Variants in CHMP7 observed in about 807,000 individuals in gnomAD.
The protein encoded by CHMP7 is CHMP family, member 7.
Under a neutral mutation model 53.7 loss-of-function variants are expected in CHMP7, and 15 were observed. That is an observed-to-expected ratio of 0.28 (90% CI 0.19 to 0.43). The LOEUF is 0.43. CHMP7 is among the 20% of genes least tolerant of loss of function. CHMP7 has a pLI of 1.00. For missense variants in CHMP7, 527 were observed against 569.4 expected, an observed-to-expected ratio of 0.93 and a Z score of 0.76; for synonymous variants, 261 against 228.0, an observed-to-expected ratio of 1.14 and a Z score of -1.30.
chr8:23,256,928 T>C (rs556296076), intron 5 of CHMP7, among the ~76,000 whole-genome samples: 8 of 150,976 alleles, frequency 5.3e-5, no homozygotes, highest in Admixed American at 4.6e-4. Flanking sequence ...GAGTAGCTGG[T>C]ACTACAGCCA....
chr8:23,251,108 T>C (rs551163053), intron 3 of CHMP7, among the ~76,000 whole-genome samples: 1 of 152,276 alleles, frequency 6.6e-6, no homozygotes, highest in Admixed American at 6.5e-5. Context: ...CTTTCTGTCA[T>C]CTCACATTGT....
At chr8:23,260,446 GTTT>G (rs750737274) in intron 10 of CHMP7, 89 bp from the exon 11 acceptor site, 2 of 1,511,810 alleles carry the variant, frequency 1.3e-6, no homozygotes, top group Non-Finnish European at 1.8e-6. Flanking sequence ...GTTGAGGGTT[GTTT>G]ATATTAAGAC....
chr8:23,244,230 C>A (rs7459962), intron 1 of CHMP7, among the ~76,000 whole-genome samples: 1 of 151,872 alleles, frequency 6.6e-6, no homozygotes, highest in East Asian at 1.9e-4. Flanking sequence ...TCATGATGCC[C>A]AAGGTCATCT....
At position 23,258,053 on chromosome 8, in the gene CHMP7, G is replaced by C; in HGVS notation, c.812G>C (p.Arg271Pro). 1 of 1,613,284 alleles carries C rather than the reference G, an allele frequency of 6.2e-7. No homozygotes were observed. The highest frequency in any genetic ancestry group is 8.5e-7 in the Non-Finnish European group (1 of 1,179,438). Reference sequence around the variant, plus strand: ...TCCAGGTGTAAAGAAGAAGCCCGCCGGGCATGCCGAGCAGGAAAGAAGCAG... The same window carrying C: ...TCCAGGTGTAAAGAAGAAGCCCGCCCGGCATGCCGAGCAGGAAAGAAGCAG... ...EAERCKEEAR[R>P]ACRAGKKQLA... is the part of the protein sequence containing the mutation. Residue 271 changes from arginine to proline, a missense_variant, in exon 6 of 11, where the codon CGG becomes CCG. Physicochemically the swap from Arg to Pro is moderately radical, Grantham distance 103. Coordinates refer to ENST00000397677, the MANE Select transcript of CHMP7 (RefSeq NM_152272.5).
At position 23,259,095 on chromosome 8, in the gene CHMP7, G is replaced by C; in HGVS notation, c.1089G>C (p.Gln363His). 6.2e-7 allele frequency: 1 copy of C among 1,608,042 alleles called. No homozygotes were observed. Among genetic ancestry groups the C allele is most frequent in the Non-Finnish European group, 8.5e-7 (1 of 1,174,782 alleles). Reference sequence around the variant, plus strand: ...GTGACACCCAGGATGAAGTTTCTCAGACTCTGGCTGGTGGGGTAACAAATG... The same window carrying C: ...GTGACACCCAGGATGAAGTTTCTCACACTCTGGCTGGTGGGGTAACAAATG... The part of the protein sequence containing the change: ...ELCDTQDEVS[Q>H]TLAGGVTNGL... Residue 363 changes from glutamine to histidine, a missense_variant, in exon 9 of 11, where the codon CAG becomes CAC. Transcript: ENST00000397677.
chr8:23,249,067 T>C (rs1801820468), intron 2 of CHMP7, 143 bp from the exon 3 acceptor site: 3 of 553,218 alleles, frequency 5.4e-6, no homozygotes, highest in Non-Finnish European at 9.2e-6. Context: ...CAATGCTGCG[T>C]GTCGTTGGCA....
chr8:23,258,964 C>G (rs1338319205), intron 8 of CHMP7, 102 bp from the exon 9 acceptor site: 1 of 1,058,044 alleles, frequency 9.5e-7, no homozygotes, highest in Non-Finnish European at 1.5e-6. Context: ...TTGATTCTCA[C>G]TTGGGGCAGG....
intron 3 of CHMP7, among the ~76,000 whole-genome samples, chr8:23,251,710 C>T (rs1303476359): frequency 6.6e-6 from 1 of 152,196 alleles, no homozygotes; most frequent in Admixed American, 6.5e-5. Context: ...CCAGGCCCTA[C>T]ACAGTATGGA....
chr8:23,246,911 G>C lies in CHMP7; in HGVS notation c.216G>C (p.Leu72=), dbSNP rs771831466. 6.4e-7 allele frequency: 1 copy of C among 1,574,200 alleles called. No individual in the cohort carries two copies. Among genetic ancestry groups the C allele is most frequent in the African/African-American group, 1.3e-5 (1 of 74,326 alleles). ...GCCGCCGCCAGGGGGTGGTGCGCCT[G>C]CGTCTGCGGGACTTGCAGGAGGCCT... ...SHSRRQGVVR[L]RLRDLQEAFQ... is the part of the protein sequence containing the mutation. The change falls in exon 2 of 11, where the codon CTG becomes CTC. Residue 72 remains leucine (L), a synonymous_variant. Coordinates refer to ENST00000397677, the MANE Select transcript of CHMP7 (RefSeq NM_152272.5).
At position 23,246,551 on chromosome 8, in the gene CHMP7, C is replaced by T. The variant is rs1801689511; in HGVS notation, c.-145C>T. 1.5e-5 allele frequency: 10 copies of T among 674,342 alleles called. No individual in the cohort carries two copies. In the South Asian group the frequency reaches 1.9e-4, roughly 13 times the overall value. 41.8% of individuals were successfully genotyped at this position (674,342 alleles called of 1,614,324 possible). On this transcript the variant is annotated 5_prime_UTR_variant, in exon 2 of 11. Coordinates refer to ENST00000397677, the MANE Select transcript of CHMP7 (RefSeq NM_152272.5). ...CAGCGCAACGCATGCGCCTTGAAGACTTATGGAACTTATTTCACGCTCAGG... is the reference window on the plus strand; with the variant it reads ...CAGCGCAACGCATGCGCCTTGAAGATTTATGGAACTTATTTCACGCTCAGG...
chr8:23,246,398 T>A lies in CHMP7; in HGVS notation c.-298T>A, dbSNP rs4581062. On this transcript the variant is annotated 5_prime_UTR_variant, in exon 2 of 11. Coordinates refer to ENST00000397677, the MANE Select transcript of CHMP7 (RefSeq NM_152272.5). ...CCAGAATCTTGAAGGAGACGTAAGG[T>A]GCAGCCACCTGCCGCGCAGGCGCAA... is the stretch of plus-strand genomic sequence containing the variant. 351,953 of 439,572 alleles carry A rather than the reference T, an allele frequency of 0.8. 145,044 individuals are homozygous for A. The highest frequency in any genetic ancestry group is 0.92 in the South Asian group (35,033 of 37,876). The allele number at this position is 439,572 out of a possible 1,614,324, so 27.2% of individuals were successfully genotyped here.
chr8:23,260,107 T>G (rs2128860929), intron 9 of CHMP7, 37 bp from the exon 10 acceptor site: 13 of 1,561,800 alleles, frequency 8.3e-6, no homozygotes, highest in African/African-American at 1.3e-5. Context: ...ATTTCTCCCT[T>G]GAGTTTATGC....
Position 23,258,659 on chromosome 8 carries a change from G to A in CHMP7, c.961-73G>A, listed in dbSNP as rs566174630. 100 of 1,272,172 alleles carry A rather than the reference G, an allele frequency of 7.9e-5. No homozygotes were observed. In the African/African-American group the frequency reaches 1.3e-3, roughly 16 times the overall value. 78.8% of individuals were successfully genotyped at this position (1,272,172 alleles called of 1,614,324 possible). ...AAAAAACACCCCAAAGCTGCCTTTT[G>A]GAGTTGAAACAATATTGTATGTATT... is the stretch of plus-strand genomic sequence containing the variant. On this transcript the variant is annotated intron_variant, in intron 7 of 10. Transcript: ENST00000397677.
intron 3 of CHMP7, chr8:23,255,000 G>A (rs1802067531): frequency 1.8e-6 from 1 of 542,758 alleles, no homozygotes. Flanking sequence ...TCCCCGATGG[G>A]CGTGCAGCGC....
In CHMP7 at chr8:23,258,808, G is replaced by A. The variant is rs1463310217; in HGVS notation, c.1037G>A (p.Ser346Asn). The A allele has an allele frequency of 6.2e-7, 1 of 1,612,570 alleles. No homozygotes were observed. The highest frequency in any genetic ancestry group is 1.3e-5 in the African/African-American group (1 of 74,998). Reference protein sequence around the residue: ...MKDVTVEKAESLVDQIQELCD... With the variant: ...MKDVTVEKAENLVDQIQELCD... The stretch of plus-strand genomic sequence containing the variant: ...GATGTCACAGTGGAGAAGGCAGAGA[G>A]CCTCGTGGATCAGATCCAAGAGGTA... Residue 346 changes from serine to asparagine, a missense_variant, in exon 8 of 11, where the codon AGC becomes AAC. Transcript: ENST00000397677.
Position 23,259,220 on chromosome 8 carries a change from G to C in CHMP7, c.1120+94G>C, listed in dbSNP as rs538596612. On this transcript the variant is annotated intron_variant, in intron 9 of 10. Coordinates refer to ENST00000397677, the MANE Select transcript of CHMP7 (RefSeq NM_152272.5). The stretch of plus-strand genomic sequence containing the variant: ...GTCTCGCTCTGTCGCCCAGGCTGGA[G>C]TGCAGTGGCGGGATCTCGGCTCACT... The C allele has an allele frequency of 1.4e-3, 862 of 631,668 alleles. 16 individuals are homozygous for C. Among genetic ancestry groups the C allele is most frequent in the South Asian group, 0.01 (524 of 50,498 alleles). 39.1% of individuals were successfully genotyped at this position (631,668 alleles called of 1,614,324 possible).
chr8:23,257,039 G>C lies in CHMP7; in HGVS notation c.791+446G>C, dbSNP rs1207372158. Among the ~76,000 whole-genome samples, 20 of 150,966 alleles carry C rather than the reference G, an allele frequency of 1.3e-4. 1 individual carries two copies. The South Asian group carries it at 4.2e-3, about 32-fold the overall frequency. ...AATCTCCTGACCTCGTGATCCGCCCGCCTCTGCCTCCCAAAGTGCTGGGAT... is the reference window on the plus strand; with the variant it reads ...AATCTCCTGACCTCGTGATCCGCCCCCCTCTGCCTCCCAAAGTGCTGGGAT... On this transcript the variant is annotated intron_variant, in intron 5 of 10. Coordinates refer to ENST00000397677, the MANE Select transcript of CHMP7 (RefSeq NM_152272.5).
At position 23,258,783 on chromosome 8, in the gene CHMP7, G is replaced by A. The variant is rs1802242947; in HGVS notation, c.1012G>A (p.Asp338Asn). ...AGGAGCACTCAAACTCTCCATGAAG[G>A]ATGTCACAGTGGAGAAGGCAGAGAG... ...GVGALKLSMK[D>N]VTVEKAESLV... The change falls in exon 8 of 11, where the codon GAT becomes AAT. Residue 338 changes from aspartate (D) to asparagine (N), a missense_variant. Physicochemically the swap from Asp to Asn is conservative, Grantham distance 23 (BLOSUM62 1). Transcript: ENST00000397677. 6.2e-7 allele frequency: 1 copy of A among 1,613,878 alleles called. No individual in the cohort carries two copies. Among genetic ancestry groups the A allele is most frequent in the Non-Finnish European group, 8.5e-7 (1 of 1,179,852 alleles).
At position 23,248,432 on chromosome 8, in the gene CHMP7, A is replaced by G. The variant is rs534874510; in HGVS notation, c.300-778A>G. Among the ~76,000 whole-genome samples the G allele has an allele frequency of 6.6e-4, 100 of 152,324 alleles. 1 individual carries two copies. Among genetic ancestry groups the G allele is most frequent in the Middle Eastern group, 6.8e-3 (2 of 294 alleles). On this transcript the variant is annotated intron_variant, in intron 2 of 10. Transcript: ENST00000397677. ...TATTAGTATTAAAAGCAGTGTCAAA[A>G]ATCACAATTACTTTTGCACCAACCT... is the stretch of plus-strand genomic sequence containing the variant.
Sources: allele counts gnomAD v4.1 joint callset (sites outside exome capture counted in the v4.1 genomes callset), GRCh38; gene constraint gnomAD v4.1.1; transcripts MANE v1.5; gene names NCBI Gene and HGNC (gene_info 2026-07-23, HGNC 2026-07-21).